DLG2: variants seen among roughly 807,000 people sequenced by gnomAD.
The protein encoded by DLG2 is discs large MAGUK scaffold protein 2.
DLG2 carries 45 observed loss-of-function variants against 132.5 expected under a neutral mutation model. That is an observed-to-expected ratio of 0.34 (90% CI 0.27 to 0.44). DLG2 has a LOEUF of 0.44. DLG2 is among the 20% of genes least tolerant of loss of function. The probability of loss-of-function intolerance (pLI) is 1.00; values close to 1 mark genes in which losing one functional copy is unlikely to be tolerated. For missense variants in DLG2, 1,045 were observed against 1,196.9 expected, an observed-to-expected ratio of 0.87 and a Z score of 1.87; for synonymous variants, 424 against 419.6, an observed-to-expected ratio of 1.01 and a Z score of -0.13.
intron 6 of DLG2, among the ~76,000 whole-genome samples, chr11:84,537,440 A>C (rs1355670165): frequency 6.6e-6 from 1 of 152,130 alleles, no homozygotes; most frequent in African/African-American, 2.4e-5. Context: ...TCTCACTCCA[A>C]TAATTATAAA....
At chr11:83,530,114 C>G (rs2059272124) in intron 21 of DLG2, among the ~76,000 whole-genome samples, 1 of 151,942 alleles carries the variant, frequency 6.6e-6, no homozygotes. Flanking sequence ...ATCTATCTAT[C>G]TATCCATCTA....
chr11:84,273,131 T>C, intron 7 of DLG2: 1 of 1,491,830 alleles, frequency 6.7e-7, no homozygotes, highest in Non-Finnish European at 8.9e-7. Flanking sequence ...CCTAGGAAAA[T>C]AAAAGAAAAT....
chr11:84,910,734 G>A (rs140379586), intron 6 of DLG2, among the ~76,000 whole-genome samples: 4 of 151,250 alleles, frequency 2.6e-5, no homozygotes, highest in African/African-American at 7.3e-5. Context: ...GCAATATAGC[G>A]AGATTCCCTT....
chr11:84,989,795 T>G (rs1478000942), intron 6 of DLG2, among the ~76,000 whole-genome samples: 1 of 152,150 alleles, frequency 6.6e-6, no homozygotes, highest in African/African-American at 2.4e-5. Context: ...TTGAACAGAA[T>G]GGAAACCCCT....
chr11:84,414,158 C>T (rs2098920402), intron 7 of DLG2, among the ~76,000 whole-genome samples: 4 of 152,114 alleles, frequency 2.6e-5, no homozygotes, highest in Admixed American at 2.6e-4. Flanking sequence ...GTCTGTAACA[C>T]AAGAATAACA....
chr11:84,292,413 G>C (rs2098015489), intron 7 of DLG2, among the ~76,000 whole-genome samples: 1 of 152,162 alleles, frequency 6.6e-6, no homozygotes, highest in South Asian at 2.1e-4. Context: ...CTGGGAGTCA[G>C]CCTGCCTGCT....
At chr11:83,658,491 G>C (rs1381923565) in intron 18 of DLG2, among the ~76,000 whole-genome samples, 1 of 152,202 alleles carries the variant, frequency 6.6e-6, no homozygotes, top group Non-Finnish European at 1.5e-5. Flanking sequence ...GTTATTCTTA[G>C]TAGCTAAAGT....
chr11:84,365,950 G>A (rs1600724398), intron 7 of DLG2, among the ~76,000 whole-genome samples: 1 of 151,942 alleles, frequency 6.6e-6, no homozygotes, highest in African/African-American at 2.4e-5. Flanking sequence ...TCAGATTCAG[G>A]AAATACAGAG....
intron 8 of DLG2, among the ~76,000 whole-genome samples, chr11:84,241,511 T>C (rs1482758996): frequency 6.6e-6 from 1 of 152,178 alleles, no homozygotes; most frequent in East Asian, 1.9e-4. Context: ...AACATGTGCT[T>C]TTCACCATGC....
At chr11:85,090,472 C>T (rs2068586518) in intron 6 of DLG2, among the ~76,000 whole-genome samples, 1 of 152,144 alleles carries the variant, frequency 6.6e-6, no homozygotes, top group Non-Finnish European at 1.5e-5. Context: ...TCTCAATTTC[C>T]CACCATAAAC....
At chr11:85,450,385 T>C (rs2092194999) in intron 3 of DLG2, among the ~76,000 whole-genome samples, 1 of 152,152 alleles carries the variant, frequency 6.6e-6, no homozygotes, top group Non-Finnish European at 1.5e-5. Context: ...GTGTATATAC[T>C]AGGCTTTTTC....
intron 6 of DLG2, among the ~76,000 whole-genome samples, chr11:84,988,650 A>G (rs962074367): frequency 6.6e-6 from 1 of 152,204 alleles, no homozygotes; most frequent in Non-Finnish European, 1.5e-5. Flanking sequence ...ATGCTCGCTC[A>G]TAAGTGGGAC....
chr11:84,686,630 G>GTTTTGT (rs2099738391), intron 6 of DLG2, among the ~76,000 whole-genome samples: 2 of 113,804 alleles, frequency 1.8e-5, no homozygotes, highest in African/African-American at 6.7e-5. Flanking sequence ...TGGCCTTGAG[G>GTTTTGT]TTTTTTTTTT....
At chr11:84,518,692 T>C (rs1722243333) in intron 7 of DLG2, among the ~76,000 whole-genome samples, 1 of 152,118 alleles carries the variant, frequency 6.6e-6, no homozygotes, top group African/African-American at 2.4e-5. Flanking sequence ...TGCTGAGATT[T>C]TTCCCCCCAA....
chr11:84,896,299 A>G (rs2090177464), intron 6 of DLG2, among the ~76,000 whole-genome samples: 1 of 152,120 alleles, frequency 6.6e-6, no homozygotes, highest in African/African-American at 2.4e-5. Flanking sequence ...GATGGTGATG[A>G]AGATGGAGAA....
intron 6 of DLG2, among the ~76,000 whole-genome samples, chr11:84,993,257 T>C (rs922318328): frequency 2.0e-5 from 3 of 152,076 alleles, no homozygotes; most frequent in Non-Finnish European, 2.9e-5. Context: ...CACTGGGGCC[T>C]GTCGGAGGGT....
intron 6 of DLG2, among the ~76,000 whole-genome samples, chr11:84,541,667 G>T (rs1015530607): frequency 2.0e-5 from 3 of 152,006 alleles, no homozygotes; most frequent in African/African-American, 7.2e-5. Flanking sequence ...ACCGACAAAT[G>T]ACACATAAAA....
chr11:85,047,042 A>G (rs75747517), intron 6 of DLG2, among the ~76,000 whole-genome samples: 5,980 of 152,104 alleles, frequency 0.039, 368 homozygotes, highest in African/African-American at 0.14. Flanking sequence ...ATGCTAAAAT[A>G]TAGAGATAGT....
chr11:85,391,879 A>C (rs1466997182), intron 3 of DLG2, among the ~76,000 whole-genome samples: 1 of 152,152 alleles, frequency 6.6e-6, no homozygotes, highest in East Asian at 1.9e-4. Context: ...AACTGGACCA[A>C]GACAATGATG....
Sources: allele counts gnomAD v4.1 joint callset (sites outside exome capture counted in the v4.1 genomes callset), GRCh38; gene constraint gnomAD v4.1.1; transcripts MANE v1.5; gene names NCBI Gene and HGNC (gene_info 2026-07-23, HGNC 2026-07-21).